The following MAP2K6 variants were observed in gnomAD, a reference collection of about 807,000 sequenced individuals.
MAP2K6 encodes mitogen-activated protein kinase kinase 6, also known as dual specificity mitogen-activated protein kinase kinase 6.
Under a neutral mutation model 53.7 loss-of-function variants are expected in MAP2K6, and 16 were observed. The ratio of observed to expected loss-of-function variants is 0.30; its 90% CI spans 0.20 to 0.45. The LOEUF (loss-of-function observed/expected upper bound fraction) is 0.45. MAP2K6 is among the 20% of genes least tolerant of loss of function. The pLI is 1.00. For synonymous variants in MAP2K6, 132 were observed against 143.1 expected (o/e 0.92, Z 0.55); for missense variants, 204 against 411.9 (o/e 0.50, Z 4.37).
In MAP2K6 at chr17:69,508,825, C is replaced by G. The variant is rs187921344; in HGVS notation, c.83+2979C>G. On this transcript the variant is annotated intron_variant, in intron 2 of 11. Coordinates refer to ENST00000590474, the MANE Select transcript of MAP2K6 (RefSeq NM_002758.4). ...TTTAGGTTGAGCTTTATTTTTTTGG[C>G]CAGTGGGTTACCAATTATTCTAGCA... 2.0e-3 allele frequency among the ~76,000 whole-genome samples: 306 copies of G among 152,234 alleles called. 1 individual carries two copies. The highest frequency in any genetic ancestry group is 7.1e-3 in the African/African-American group (296 of 41,552).
chr17:69,502,504 T>G lies in MAP2K6; in HGVS notation c.17-3276T>G, dbSNP rs962670544. On this transcript the variant is annotated intron_variant, in intron 1 of 11. Transcript: ENST00000590474. The stretch of plus-strand genomic sequence containing the variant: ...GTGAAGGCAGAGTATTTTCTAACAC[T>G]GTAATTCAACTAGGTTTTGTGTCTC... 40 of 985,452 alleles carry G rather than the reference T, an allele frequency of 4.1e-5. No homozygotes were observed. The African/African-American group carries it at 6.8e-4, about 17-fold the overall frequency. 61.0% of individuals were successfully genotyped at this position (985,452 alleles called of 1,614,324 possible).
Position 69,544,466 on chromosome 17 carries a change from A to G in MAP2K6, c.*2713A>G, listed in dbSNP as rs1911797190. The stretch of plus-strand genomic sequence containing the variant: ...TATAAATGGGGAGTATTCTGTACAT[A>G]TAGACTTATATATAAAGACATCTGT... On this transcript the variant is annotated 3_prime_UTR_variant, in exon 12 of 12. Transcript: ENST00000590474. 1 of 152,194 alleles carries G rather than the reference A, an allele frequency of 6.6e-6. No homozygotes were observed. Among genetic ancestry groups the G allele is most frequent in the South Asian group, 2.1e-4 (1 of 4,834 alleles). The allele number at this position is 152,194 out of a possible 1,614,324, so 9.4% of individuals were successfully genotyped here.
chr17:69,502,162 C>A (rs1909202732), intron 1 of MAP2K6: 5 of 985,274 alleles, frequency 5.1e-6, no homozygotes, highest in Admixed American at 6.2e-5. Context: ...CCACATAGAC[C>A]CACTTCCCTT....
intron 2 of MAP2K6, among the ~76,000 whole-genome samples, chr17:69,512,501 A>G (rs1263288441): frequency 6.6e-6 from 1 of 151,370 alleles, no homozygotes; most frequent in Non-Finnish European, 1.5e-5. Flanking sequence ...CACCATGCCC[A>G]GCTAAGTTTG....
chr17:69,462,193 C>A (rs924271625), intron 1 of MAP2K6, among the ~76,000 whole-genome samples: 1 of 152,106 alleles, frequency 6.6e-6, no homozygotes, highest in Non-Finnish European at 1.5e-5. Context: ...ACAACACTGG[C>A]CATAGAGGAC....
Position 69,551,601 on chromosome 17 carries a change from C to A in MAP2K6, c.*9848C>A, listed in dbSNP as rs1366264850. 1 of 152,176 alleles carries A rather than the reference C, an allele frequency of 6.6e-6. No individual in the cohort carries two copies. The highest frequency in any genetic ancestry group is 1.5e-5 in the Non-Finnish European group (1 of 68,024). 9.4% of individuals were successfully genotyped at this position (152,176 alleles called of 1,614,324 possible). A position where few individuals can be genotyped will look rare whatever the true frequency, so the allele number is the denominator to read the frequency against. On this transcript the variant is annotated 3_prime_UTR_variant, in exon 12 of 12. Transcript: ENST00000590474. ...GTTCTTGGCCAATCTGCATAAAAGC[C>A]ACTTGAGGAGGTTTGATTAAGAAAA...
intron 1 of MAP2K6, among the ~76,000 whole-genome samples, chr17:69,459,709 CAAAAAAAAAAAA>C (rs71144694): frequency 3.6e-5 from 2 of 55,920 alleles, no homozygotes; most frequent in African/African-American, 8.2e-5. Context: ...GACTCTGTCT[CAAAAAAAAAAAA>C]AAAAAAAAAA....
At chr17:69,541,541 A>C in intron 11 of MAP2K6, 135 bp from the exon 12 acceptor site, 1 of 518,304 alleles carries the variant, frequency 1.9e-6, no homozygotes, top group Non-Finnish European at 3.4e-6. Context: ...TGATTTTGGA[A>C]AGGGTAGGAA....
chr17:69,456,007 C>T (rs769200166), intron 1 of MAP2K6, among the ~76,000 whole-genome samples: 2 of 151,946 alleles, frequency 1.3e-5, no homozygotes, highest in Non-Finnish European at 2.9e-5. Flanking sequence ...ATTACAGGCG[C>T]GTGCCACAAC....
intron 1 of MAP2K6, among the ~76,000 whole-genome samples, chr17:69,483,625 A>T (rs1433215137): frequency 6.6e-6 from 1 of 152,086 alleles, no homozygotes; most frequent in Non-Finnish European, 1.5e-5. Context: ...AGATAATTTA[A>T]AGGCCTCAGA....
At chr17:69,539,139 T>A (rs1455832202) in intron 11 of MAP2K6, among the ~76,000 whole-genome samples, 1 of 152,236 alleles carries the variant, frequency 6.6e-6, no homozygotes, top group Non-Finnish European at 1.5e-5. Flanking sequence ...TTGAACTGTA[T>A]GTTAAACAAA....
chr17:69,414,887 C>A lies in MAP2K6; in HGVS notation c.-98C>A. The A allele has an allele frequency of 9.0e-7, 1 of 1,106,374 alleles. No individual in the cohort carries two copies. Among genetic ancestry groups the A allele is most frequent in the South Asian group, 1.3e-5 (1 of 75,442 alleles). 68.5% of individuals were successfully genotyped at this position (1,106,374 alleles called of 1,614,324 possible). On this transcript the variant is annotated 5_prime_UTR_variant, in exon 1 of 12. Transcript: ENST00000590474. ...AGAAACTCCACTTGCATGAAGATTG[C>A]ACGCCTGCAGCTTGCATCTTTGTTG...
intron 10 of MAP2K6, 146 bp from the exon 11 acceptor site, chr17:69,535,969 C>G (rs1911335820): frequency 6.6e-6 from 4 of 609,952 alleles, no homozygotes; most frequent in Non-Finnish European, 1.2e-5. Flanking sequence ...ATAAGTGTTA[C>G]AGAAGAGGAA....
intron 1 of MAP2K6, among the ~76,000 whole-genome samples, chr17:69,504,770 A>G (rs1337902659): frequency 6.6e-6 from 1 of 152,156 alleles, no homozygotes; most frequent in Non-Finnish European, 1.5e-5. Flanking sequence ...ATTCTCTTGT[A>G]ATTTCAGCCC....
At chr17:69,505,486 T>A in intron 1 of MAP2K6, 1 of 218,852 alleles carries the variant, frequency 4.6e-6, no homozygotes, top group East Asian at 1.1e-4. Flanking sequence ...AAATTCTCAG[T>A]GGGGAGAAAG....
chr17:69,481,887 C>T (rs1176646021), intron 1 of MAP2K6, among the ~76,000 whole-genome samples: 2 of 152,130 alleles, frequency 1.3e-5, no homozygotes, highest in Non-Finnish European at 2.9e-5. Flanking sequence ...CATGATACCC[C>T]ACTTTCAATT....
At chr17:69,527,532 G>A (rs1043451530) in intron 10 of MAP2K6, among the ~76,000 whole-genome samples, 1 of 152,236 alleles carries the variant, frequency 6.6e-6, no homozygotes, top group African/African-American at 2.4e-5. Context: ...AGGTCATGAT[G>A]CCTAGCATGG....
At chr17:69,478,440 T>G (rs1384133028) in intron 1 of MAP2K6, among the ~76,000 whole-genome samples, 3 of 152,148 alleles carry the variant, frequency 2.0e-5, no homozygotes, top group Non-Finnish European at 4.4e-5. Flanking sequence ...TTTACTTTCT[T>G]TCTTTTTTTG....
intron 1 of MAP2K6, among the ~76,000 whole-genome samples, chr17:69,442,707 C>T (rs1199657022): frequency 1.3e-5 from 2 of 152,156 alleles, no homozygotes; most frequent in African/African-American, 2.4e-5. Context: ...TTTCAACATG[C>T]ATTACCTAAG....
Sources: gnomAD v4.1 joint callset for allele counts (sites outside exome capture counted in the v4.1 genomes callset) on GRCh38, gnomAD v4.1.1 for gene constraint, MANE v1.5 for transcripts, NCBI Gene and HGNC (gene_info 2026-07-23, HGNC 2026-07-21) for gene names.